STK10: variants seen among roughly 807,000 people sequenced by gnomAD.
STK10 encodes the protein serine/threonine kinase 10, also known as serine/threonine-protein kinase 10.
Under a neutral mutation model 113.8 loss-of-function variants are expected in STK10, and 78 were observed. That is an observed-to-expected ratio of 0.69 (90% confidence interval 0.57 to 0.83). The LOEUF is 0.83. Among genes scored for constraint, STK10 ranks in the 40% least tolerant of loss-of-function variants. The pLI, the probability that STK10 is intolerant of heterozygous loss-of-function variation, is 0.00. For missense variants in STK10, 1,109 were observed against 1,280.1 expected, an observed-to-expected ratio of 0.87 and a Z score of 2.04; for synonymous variants, 465 against 494.7, an observed-to-expected ratio of 0.94 and a Z score of 0.80.
intron 12 of STK10, among the ~76,000 whole-genome samples, chr5:172,067,858 G>C (rs1279074478): frequency 6.6e-6 from 1 of 151,900 alleles, no homozygotes; most frequent in Non-Finnish European, 1.5e-5. Flanking sequence ...AACCCAAACA[G>C]GTTAAATTAA....
At chr5:172,160,762 G>A (rs1353594370) in intron 1 of STK10, among the ~76,000 whole-genome samples, 1 of 152,170 alleles carries the variant, frequency 6.6e-6, no homozygotes, top group African/African-American at 2.4e-5. Context: ...ACAGGGACCC[G>A]AGGCTTGGAG....
intron 10 of STK10, among the ~76,000 whole-genome samples, chr5:172,087,007 C>CA (rs969334719): frequency 1.2e-4 from 19 of 152,094 alleles, no homozygotes; most frequent in East Asian, 5.8e-4. Flanking sequence ...GGTTGAAACT[C>CA]AGAGTCCAGG....
Position 172,053,004 on chromosome 5 carries a change from C to T in STK10, c.2691G>A (p.Gln897=), listed in dbSNP as rs1188061540. ...GGCTCTCATCCAGGGCCTTCAGTTTCTGGGTTTCGTGCTCTACCAGGAGGT... is the reference window on the plus strand; with the variant it reads ...GGCTCTCATCCAGGGCCTTCAGTTTTTGGGTTTCGTGCTCTACCAGGAGGT... The part of the protein sequence containing the change: ...KCHLLVEHET[Q]KLKALDESHN... The change falls in exon 18 of 19, where the codon CAG becomes CAA. Residue 897 remains glutamine (Q), a synonymous_variant. Coordinates refer to ENST00000176763, the MANE Select transcript of STK10 (RefSeq NM_005990.4). The T allele has an allele frequency of 6.2e-7, 1 of 1,614,188 alleles. No individual in the cohort carries two copies. The highest frequency in any genetic ancestry group is 8.5e-7 in the Non-Finnish European group (1 of 1,180,026).
At chr5:172,056,360 G>C (rs1000038065) in intron 15 of STK10, among the ~76,000 whole-genome samples, 1 of 152,212 alleles carries the variant, frequency 6.6e-6, no homozygotes, top group Non-Finnish European at 1.5e-5. Flanking sequence ...TATGGAGGCT[G>C]AACTGAGACA....
At chr5:172,061,500 G>A in intron 13 of STK10, 1 of 438,340 alleles carries the variant, frequency 2.3e-6, no homozygotes, top group Non-Finnish European at 3.9e-6. Flanking sequence ...CACCAGAGCT[G>A]GAGTGCAGTG....
intron 1 of STK10, among the ~76,000 whole-genome samples, chr5:172,158,719 G>A (rs1770405029): frequency 1.3e-5 from 2 of 152,138 alleles, no homozygotes; most frequent in Non-Finnish European, 2.9e-5. Flanking sequence ...GAACAAAAAG[G>A]AAGGCAATTC....
chr5:172,153,288 AAAAGAAAGAAAGAAAGAAAGAAAG>A (rs35446422), intron 2 of STK10, among the ~76,000 whole-genome samples: 40 of 141,928 alleles, frequency 2.8e-4, no homozygotes, highest in Non-Finnish European at 4.9e-4. Flanking sequence ...CTCCATCTCA[AAAAGAAAGAAAGAAAGAAAGAAAG>A]AAAGAAAGAA....
chr5:172,143,350 G>T (rs1770017782), intron 2 of STK10, among the ~76,000 whole-genome samples: 1 of 152,132 alleles, frequency 6.6e-6, no homozygotes, highest in Admixed American at 6.5e-5. Flanking sequence ...AAGCAACACA[G>T]CAAGACACTG....
At position 172,146,670 on chromosome 5, in the gene STK10, G is replaced by T. The variant is rs546419082; in HGVS notation, c.321+9954C>A. 3.3e-5 allele frequency among the ~76,000 whole-genome samples: 5 copies of T among 152,354 alleles called. No homozygotes were observed. The South Asian group carries it at 1.0e-3, about 32-fold the overall frequency. ...GAGCCTGCGAGGGAATAGGGCCCGT[G>T]GGGCCAAGTCAGATGTCTGGATTCT... is the stretch of plus-strand genomic sequence containing the variant. On this transcript the variant is annotated intron_variant, in intron 2 of 18. Coordinates refer to ENST00000176763, the MANE Select transcript of STK10 (RefSeq NM_005990.4).
At chr5:172,136,377 C>T (rs368833990) in intron 2 of STK10, among the ~76,000 whole-genome samples, 3 of 152,162 alleles carry the variant, frequency 2.0e-5, no homozygotes, top group East Asian at 1.9e-4. Flanking sequence ...CGGGTGGACA[C>T]GTGAGGTCAG....
intron 1 of STK10, among the ~76,000 whole-genome samples, chr5:172,177,406 G>A (rs962868087): frequency 6.6e-6 from 1 of 152,178 alleles, no homozygotes; most frequent in African/African-American, 2.4e-5. Flanking sequence ...AATGAGCCAC[G>A]CCCCCAAATG....
intron 18 of STK10, among the ~76,000 whole-genome samples, chr5:172,046,025 A>C (rs1332372254): frequency 6.6e-6 from 1 of 151,532 alleles, no homozygotes; most frequent in Non-Finnish European, 1.5e-5. Context: ...TCAAGATTTT[A>C]ATGTAAAATC....
At chr5:172,056,452 C>T (rs1767759222) in intron 15 of STK10, among the ~76,000 whole-genome samples, 1 of 152,118 alleles carries the variant, frequency 6.6e-6, no homozygotes, top group African/African-American at 2.4e-5. Flanking sequence ...GAAGGCTTCC[C>T]AGCAGAGGTG....
Position 172,127,345 on chromosome 5 carries a change from A to G in STK10, c.370+28T>C, listed in dbSNP as rs28672228. On this transcript the variant is annotated intron_variant, in intron 3 of 18. Transcript: ENST00000176763. ...ACTCCAAACGAGTCGTCTGGTCCCG[A>G]CAATGCACCGAATCAAGTAAGACTC... 6,727 of 1,613,552 alleles carry G rather than the reference A, an allele frequency of 4.2e-3. 252 individuals carry two copies. The African/African-American group carries it at 0.075, about 18-fold the overall frequency.
intron 2 of STK10, among the ~76,000 whole-genome samples, chr5:172,129,988 TG>T (rs1769714323): frequency 6.6e-6 from 1 of 152,200 alleles, no homozygotes; most frequent in South Asian, 2.1e-4. Context: ...TATTTTTGTT[TG>T]GGTTTTTTGA....
intron 2 of STK10, among the ~76,000 whole-genome samples, chr5:172,131,159 G>A (rs571692036): frequency 5.5e-4 from 82 of 147,992 alleles, no homozygotes; most frequent in African/African-American, 1.7e-3. Context: ...TCAGCCTCCC[G>A]AGTAGCTGGG....
At chr5:172,129,539 T>C (rs113851989) in intron 2 of STK10, among the ~76,000 whole-genome samples, 51 of 152,180 alleles carry the variant, frequency 3.4e-4, no homozygotes, top group African/African-American at 9.7e-4. Flanking sequence ...AAGAGGTACT[T>C]CCTCCATCCA....
intron 2 of STK10, among the ~76,000 whole-genome samples, chr5:172,153,288 AAAAGAAAG>A (rs35446422): frequency 0.083 from 11,742 of 141,930 alleles, 691 homozygotes; most frequent in Middle Eastern, 0.18. Flanking sequence ...CTCCATCTCA[AAAAGAAAG>A]AAAGAAAGAA....
At chr5:172,170,146 T>C (rs572793736) in intron 1 of STK10, among the ~76,000 whole-genome samples, 1 of 151,782 alleles carries the variant, frequency 6.6e-6, no homozygotes, top group Non-Finnish European at 1.5e-5. Context: ...TTTCAGTATG[T>C]ATTCTTAAAT....
Sources: allele counts gnomAD v4.1 joint callset (sites outside exome capture counted in the v4.1 genomes callset), GRCh38; gene constraint gnomAD v4.1.1; transcripts MANE v1.5; gene names NCBI Gene and HGNC (gene_info 2026-07-23, HGNC 2026-07-21).